WDPCP: variants seen among roughly 807,000 people sequenced by gnomAD.
WDPCP encodes WD repeat-containing and planar cell polarity effector protein fritz homolog.
WDPCP carries 71 observed loss-of-function variants against 93.1 expected under a neutral mutation model. The ratio of observed to expected loss-of-function variants is 0.76; its 90% CI spans 0.63 to 0.93. The LOEUF is 0.93. WDPCP is among the 40% of genes least tolerant of loss of function. The pLI is 0.00. For missense variants in WDPCP, 844 were observed against 887.4 expected (o/e 0.95, Z 0.62); for synonymous variants, 315 against 315.0 (o/e 1.00, Z 0.00).
At chr2:63,750,644 T>C (rs1435314562) in intron 2 of WDPCP, among the ~76,000 whole-genome samples, 1 of 152,186 alleles carries the variant, frequency 6.6e-6, no homozygotes, top group Non-Finnish European at 1.5e-5. Context: ...TAGGTTTTTG[T>C]GAAAGTTCCC....
At chr2:63,724,900 A>C (rs1669475997) in intron 2 of WDPCP, among the ~76,000 whole-genome samples, 1 of 152,210 alleles carries the variant, frequency 6.6e-6, no homozygotes, top group African/African-American at 2.4e-5. Flanking sequence ...GGGGCAACTC[A>C]TATTTGCTTC....
intron 1 of WDPCP, among the ~76,000 whole-genome samples, chr2:63,541,630 T>C (rs1704735923): frequency 6.6e-6 from 1 of 152,160 alleles, no homozygotes; most frequent in South Asian, 2.1e-4. Flanking sequence ...CTGCCCTTAT[T>C]TCCCCCTTCT....
intron 2 of WDPCP, among the ~76,000 whole-genome samples, chr2:63,653,909 CA>C (rs34250036): frequency 2.2e-4 from 30 of 133,544 alleles, no homozygotes; most frequent in Admixed American, 2.3e-4. Flanking sequence ...GACTCCATCT[CA>C]AAAAAAAAAA....
chr2:63,808,132 G>T (rs79187234), intron 2 of WDPCP, among the ~76,000 whole-genome samples: 1 of 152,258 alleles, frequency 6.6e-6, no homozygotes, highest in African/African-American at 2.4e-5. Flanking sequence ...AGGCCACAAG[G>T]CTGTAAGTTT....
chr2:63,248,490 G>A (rs1249399351), intron 14 of WDPCP, among the ~76,000 whole-genome samples: 1 of 151,952 alleles, frequency 6.6e-6, no homozygotes, highest in Non-Finnish European at 1.5e-5. Flanking sequence ...GAGGGTTTTG[G>A]TCATTATTTC....
intron 12 of WDPCP, among the ~76,000 whole-genome samples, chr2:63,365,697 T>C (rs1271761650): frequency 6.6e-6 from 1 of 152,116 alleles, no homozygotes; most frequent in Non-Finnish European, 1.5e-5. Flanking sequence ...ATGCAGACAT[T>C]AGACAACTGC....
Position 63,437,539 on chromosome 2 carries a change from C to T in WDPCP, c.515G>A (p.Ser172Asn). The change falls in exon 8 of 18, where the codon AGT becomes AAT. Residue 172 changes from serine (S) to asparagine (N), a missense_variant. Ser to Asn is a conservative substitution (Grantham distance 46). Coordinates refer to ENST00000272321, the MANE Select transcript of WDPCP (RefSeq NM_015910.7). ...DTISDALLTD[S>N]FIILSFLAQN... is the part of the protein sequence containing the mutation. The stretch of plus-strand genomic sequence containing the variant: ...TGCCAAAAATGATAAGATGATAAAA[C>T]TGTCTGTGAGAAGAGCTAAAAAACA... 6.3e-7 allele frequency: 1 copy of T among 1,591,108 alleles called. No homozygotes were observed. Among genetic ancestry groups the T allele is most frequent in the Non-Finnish European group, 8.6e-7 (1 of 1,169,050 alleles).
intron 1 of WDPCP, among the ~76,000 whole-genome samples, chr2:63,549,883 C>T (rs1050803112): frequency 6.6e-6 from 1 of 152,062 alleles, no homozygotes; most frequent in Non-Finnish European, 1.5e-5. Flanking sequence ...TCTTGTTGCT[C>T]CAAATAGTAA....
chr2:63,125,521 G>C (rs1669835853), intron 17 of WDPCP, among the ~76,000 whole-genome samples: 1 of 152,178 alleles, frequency 6.6e-6, no homozygotes, highest in Non-Finnish European at 1.5e-5. Context: ...TAAAACTCCT[G>C]GGCTCAAGCA....
intron 1 of WDPCP, among the ~76,000 whole-genome samples, chr2:63,527,746 G>A (rs1052946613): frequency 1.4e-4 from 22 of 151,992 alleles, no homozygotes; most frequent in Non-Finnish European, 2.5e-4. Context: ...GTAATGGGAT[G>A]GCTGGGTCAA....
intron 12 of WDPCP, among the ~76,000 whole-genome samples, chr2:63,349,029 G>A (rs1241272642): frequency 2.6e-5 from 4 of 152,152 alleles, no homozygotes; most frequent in East Asian, 1.9e-4. Flanking sequence ...AACTACAACC[G>A]AGTTCTCCTG....
intron 17 of WDPCP, 35 bp downstream of exon 17, chr2:63,152,879 T>C: frequency 1.3e-6 from 2 of 1,592,864 alleles, no homozygotes; most frequent in Non-Finnish European, 1.7e-6. Context: ...TCTTAGAATT[T>C]AAATGTCTAG....
rs973630678 is a variant in WDPCP at position 63,121,221 on chromosome 2, A to C, written c.*785T>G. On this transcript the variant is annotated 3_prime_UTR_variant, in exon 18 of 18. Transcript: ENST00000272321. ...AGTATCTGTGTTCTAAGGGGCAGTC[A>C]GGGCAAATTACTCATAGCAGTAATT... 5.3e-5 allele frequency among the ~76,000 whole-genome samples: 8 copies of C among 152,126 alleles called. No individual in the cohort carries two copies. The highest frequency in any genetic ancestry group is 4.6e-4 in the Admixed American group (7 of 15,280).
chr2:63,447,794 G>GA (rs1220449992), intron 6 of WDPCP, among the ~76,000 whole-genome samples: 1 of 151,922 alleles, frequency 6.6e-6, no homozygotes, highest in Non-Finnish European at 1.5e-5. Context: ...GAAAGTTAGA[G>GA]AAAAATATGT....
intron 13 of WDPCP, among the ~76,000 whole-genome samples, chr2:63,303,104 G>A (rs1685456519): frequency 6.6e-6 from 1 of 152,102 alleles, no homozygotes; most frequent in East Asian, 1.9e-4. Context: ...TTTCCTACAG[G>A]CCCCACCCAA....
chr2:63,212,213 G>A (rs188926324), intron 14 of WDPCP, among the ~76,000 whole-genome samples: 40 of 152,318 alleles, frequency 2.6e-4, no homozygotes, highest in Middle Eastern at 3.4e-3. Flanking sequence ...AGGGCAACCA[G>A]AGAGAAATGT....
chr2:63,618,558 G>A (rs939045231), intron 3 of WDPCP, among the ~76,000 whole-genome samples: 66 of 152,112 alleles, frequency 4.3e-4, no homozygotes, highest in African/African-American at 1.4e-3. Context: ...ACGCTGGAAC[G>A]ATTTCTTATT....
chr2:63,699,923 G>T (rs192549292), intron 2 of WDPCP, among the ~76,000 whole-genome samples: 1 of 152,266 alleles, frequency 6.6e-6, no homozygotes, highest in African/African-American at 2.4e-5. Flanking sequence ...AGCTTCTGAA[G>T]GCTTTTGAGC....
intron 6 of WDPCP, chr2:63,442,592 C>CA (rs1012628516): frequency 1.3e-5 from 2 of 152,114 alleles, no homozygotes; most frequent in African/African-American, 4.8e-5. Flanking sequence ...AGGTTGGACT[C>CA]AATGTTAGAT....
Sources: allele counts gnomAD v4.1 joint callset (sites outside exome capture counted in the v4.1 genomes callset), GRCh38; gene constraint gnomAD v4.1.1; transcripts MANE v1.5; gene names NCBI Gene and HGNC (gene_info 2026-07-23, HGNC 2026-07-21).